The following ADAM32 variants were observed in gnomAD, a reference collection of about 807,000 sequenced individuals.
The protein encoded by ADAM32 is ADAM metallopeptidase domain 32.
ADAM32 carries 89 observed loss-of-function variants against 114.9 expected under a neutral mutation model. The ratio of observed to expected loss-of-function variants is 0.77; its 90% CI spans 0.65 to 0.92. The LOEUF (loss-of-function observed/expected upper bound fraction) is 0.92, where lower values mean the gene tolerates loss of function less well. ADAM32 is among the 40% of genes least tolerant of loss of function. The pLI, the probability that ADAM32 is intolerant of heterozygous loss-of-function variation, is 0.00. For missense variants in ADAM32, 870 were observed against 932.8 expected (o/e 0.93, Z 0.88); for synonymous variants, 285 against 307.5 (o/e 0.93, Z 0.77).
chr8:39,127,011 G>T (rs1036432065), intron 2 of ADAM32, among the ~76,000 whole-genome samples: 1 of 152,132 alleles, frequency 6.6e-6, no homozygotes, highest in Non-Finnish European at 1.5e-5. Flanking sequence ...GCATCCTGGG[G>T]ATGAAGCCTA....
rs114648305 is a variant in ADAM32 at position 39,277,767 on chromosome 8, G to A, written c.2279+1901G>A. On this transcript the variant is annotated intron_variant, in intron 22 of 24. Transcript: ENST00000379907. The stretch of plus-strand genomic sequence containing the variant: ...AGCACTTTTGGGCGCCGGCAGGGGC[G>A]AACTCTGTGCAGGCCCTGCAGCGGT... Among the ~76,000 whole-genome samples the A allele has an allele frequency of 5.1e-3, 781 of 152,354 alleles. 8 individuals are homozygous for A. The highest frequency in any genetic ancestry group is 0.017 in the African/African-American group (711 of 41,588).
chr8:39,151,855 C>A (rs1260473376), intron 6 of ADAM32, among the ~76,000 whole-genome samples: 1 of 150,626 alleles, frequency 6.6e-6, no homozygotes, highest in Non-Finnish European at 1.5e-5. Flanking sequence ...AGAGTCTCTA[C>A]AAAAAAGAGA....
At chr8:39,239,925 TA>T (rs1312257231) in intron 16 of ADAM32, among the ~76,000 whole-genome samples, 1 of 152,138 alleles carries the variant, frequency 6.6e-6, no homozygotes, top group African/African-American at 2.4e-5. Flanking sequence ...CCCAAATTTA[TA>T]AAACAATTCT....
intron 17 of ADAM32, among the ~76,000 whole-genome samples, chr8:39,247,099 T>G (rs569223906): frequency 6.6e-6 from 1 of 152,348 alleles, no homozygotes; most frequent in East Asian, 1.9e-4. Context: ...TATCCACTCA[T>G]CTACTGAAGA....
At chr8:39,178,224 T>C (rs1446350840) in intron 10 of ADAM32, among the ~76,000 whole-genome samples, 1 of 152,218 alleles carries the variant, frequency 6.6e-6, no homozygotes, top group Non-Finnish European at 1.5e-5. Context: ...TTTCCTTCTT[T>C]TTTCTCTGTT....
Position 39,254,395 on chromosome 8 carries a change from T to C in ADAM32, c.1903-19T>C. The C allele has an allele frequency of 6.5e-7, 1 of 1,538,818 alleles. No homozygotes were observed. The highest frequency in any genetic ancestry group is 8.9e-7 in the Non-Finnish European group (1 of 1,129,348). ...AAAATATTTTAAAACAATCATTTAA[T>C]TTTTCAAAATGATCCTAGGTGTGTG... On this transcript the variant is annotated intron_variant, in intron 17 of 24. Transcript: ENST00000379907.
At chr8:39,232,693 A>T (rs532064474) in intron 15 of ADAM32, among the ~76,000 whole-genome samples, 1 of 152,268 alleles carries the variant, frequency 6.6e-6, no homozygotes, top group African/African-American at 2.4e-5. Flanking sequence ...GTTTAGAAAT[A>T]CTTCACTGTT....
At chr8:39,247,240 A>G (rs1810987539) in intron 17 of ADAM32, among the ~76,000 whole-genome samples, 1 of 152,200 alleles carries the variant, frequency 6.6e-6, no homozygotes, top group Non-Finnish European at 1.5e-5. Context: ...GCTGTATCAT[A>G]TCGTAAGAGT....
intron 11 of ADAM32, among the ~76,000 whole-genome samples, chr8:39,187,887 CTATAAG>C (rs1009185615): frequency 3.8e-4 from 58 of 152,212 alleles, no homozygotes; most frequent in African/African-American, 1.3e-3. Context: ...CTGTAGAATT[CTATAAG>C]TATGTGATTG....
At chr8:39,127,516 A>G (rs1255200167) in intron 2 of ADAM32, among the ~76,000 whole-genome samples, 14 of 151,938 alleles carry the variant, frequency 9.2e-5, no homozygotes. Flanking sequence ...TGTGGGGTCA[A>G]TGGTGATATC....
intron 2 of ADAM32, among the ~76,000 whole-genome samples, chr8:39,131,388 G>A (rs1802447364): frequency 6.6e-6 from 1 of 152,178 alleles, no homozygotes; most frequent in African/African-American, 2.4e-5. Flanking sequence ...CTACCTGGGA[G>A]GCTGAGGTGG....
At chr8:39,130,791 TG>T (rs1307175001) in intron 2 of ADAM32, 2 of 419,208 alleles carry the variant, frequency 4.8e-6, no homozygotes, top group Non-Finnish European at 9.4e-6. Context: ...TGAGACTTTT[TG>T]TGGCCTAGAA....
intron 10 of ADAM32, among the ~76,000 whole-genome samples, chr8:39,182,740 G>A (rs1311690928): frequency 6.6e-6 from 1 of 152,186 alleles, no homozygotes; most frequent in Non-Finnish European, 1.5e-5. Context: ...CACTGCAGGA[G>A]CTTTATTAGT....
At chr8:39,241,426 C>T (rs1810546660) in intron 16 of ADAM32, among the ~76,000 whole-genome samples, 1 of 152,248 alleles carries the variant, frequency 6.6e-6, no homozygotes, top group African/African-American at 2.4e-5. Context: ...TTCCCTTCCA[C>T]ACTGCTCTAG....
chr8:39,277,491 G>A (rs747546588), intron 22 of ADAM32, among the ~76,000 whole-genome samples: 7 of 152,236 alleles, frequency 4.6e-5, no homozygotes, highest in Non-Finnish European at 8.8e-5. Context: ...ATGAATTCCA[G>A]TGAAGCAGGA....
intron 22 of ADAM32, 29 bp downstream of exon 22, chr8:39,275,895 T>C (rs1813044188): frequency 6.6e-7 from 1 of 1,517,474 alleles, no homozygotes; most frequent in Non-Finnish European, 8.9e-7. Flanking sequence ...ATTTTTTTTA[T>C]ATAATAAGTA....
At chr8:39,167,962 G>A (rs1472864005) in intron 9 of ADAM32, 1 of 152,070 alleles carries the variant, frequency 6.6e-6, no homozygotes, top group Non-Finnish European at 1.5e-5. Flanking sequence ...CATTTTCAAG[G>A]TAAATGATCG....
intron 17 of ADAM32, among the ~76,000 whole-genome samples, chr8:39,249,497 G>T (rs1264182641): frequency 6.6e-6 from 1 of 152,084 alleles, no homozygotes; most frequent in Non-Finnish European, 1.5e-5. Context: ...TTAGGGTAAG[G>T]ATGGCCTGAT....
chr8:39,228,779 C>T (rs1809554441), intron 14 of ADAM32, among the ~76,000 whole-genome samples: 3 of 152,186 alleles, frequency 2.0e-5, no homozygotes, highest in South Asian at 4.1e-4. Flanking sequence ...TGGAGGAAAA[C>T]TTCCCTGGCC....
Sources: gnomAD v4.1 joint callset for allele counts (sites outside exome capture counted in the v4.1 genomes callset) on GRCh38, gnomAD v4.1.1 for gene constraint, MANE v1.5 for transcripts, NCBI Gene and HGNC (gene_info 2026-07-23, HGNC 2026-07-21) for gene names.